The following ABCA13 variants were observed in gnomAD, a reference collection of about 807,000 sequenced individuals.
ABCA13 encodes the protein ATP binding cassette subfamily A member 13, also known as ATP-binding cassette sub-family A member 13.
In ABCA13, 476 loss-of-function variants were observed where a neutral mutation model predicts 478.7. The ratio of observed to expected loss-of-function variants is 0.99; its 90% CI spans 0.92 to 1.07. The LOEUF (loss-of-function observed/expected upper bound fraction) is 1.07. Among genes scored for constraint, ABCA13 ranks in the 50% least tolerant of loss-of-function variants. ABCA13 has a pLI of 0.00. For synonymous variants in ABCA13, 2,252 were observed against 2,158.9 expected (o/e 1.04, Z -1.20); for missense variants, 6,060 against 5,910.6 (o/e 1.03, Z -0.83).
chr7:48,597,626 T>C (rs1790437803), intron 58 of ABCA13, among the ~76,000 whole-genome samples: 1 of 152,192 alleles, frequency 6.6e-6, no homozygotes, highest in Non-Finnish European at 1.5e-5. Context: ...CTGTCTGTCT[T>C]TTTTCATTAT....
At position 48,339,511 on chromosome 7, in the gene ABCA13, G is replaced by C. The variant is rs148946893; in HGVS notation, c.10204+1056G>C. Among the ~76,000 whole-genome samples the C allele has an allele frequency of 2.6e-5, 4 of 152,330 alleles. No individual in the cohort carries two copies. In the East Asian group the frequency reaches 7.7e-4, roughly 29 times the overall value. Reference sequence around the variant, plus strand: ...TGAGTTTGCGTCTACCATGGTGCTAGTGTTAATGCAGATGTCTTAGAGTGT... The same window carrying C: ...TGAGTTTGCGTCTACCATGGTGCTACTGTTAATGCAGATGTCTTAGAGTGT... On this transcript the variant is annotated intron_variant, in intron 29 of 61. Transcript: ENST00000435803.
intron 38 of ABCA13, among the ~76,000 whole-genome samples, chr7:48,403,456 T>C (rs1235936176): frequency 3.9e-5 from 6 of 152,208 alleles, no homozygotes; most frequent in Non-Finnish European, 7.3e-5. Flanking sequence ...TGGGCAGATA[T>C]TGCTGGTCTG....
Position 48,192,912 on chromosome 7 carries a change from AC to A in ABCA13, c.70-45del. 3 of 1,348,348 alleles carry A rather than the reference AC, an allele frequency of 2.2e-6. 1 individual carries two copies. 83.5% of individuals were successfully genotyped at this position (1,348,348 alleles called of 1,614,324 possible). ...CTTCAAGAGATGAAAATATTGTAAT[AC>A]CTTACAATTTATTCAGGTGATTTTT... On this transcript the variant is annotated intron_variant, in intron 1 of 61. Transcript: ENST00000435803.
chr7:48,329,789 C>A (rs1584874852), intron 27 of ABCA13, among the ~76,000 whole-genome samples: 2 of 151,784 alleles, frequency 1.3e-5, no homozygotes, highest in African/African-American at 4.8e-5. Context: ...ACCCGTCTAT[C>A]CACCCATCCA....
intron 41 of ABCA13, among the ~76,000 whole-genome samples, chr7:48,422,112 G>A (rs73103203): frequency 1.3e-5 from 2 of 149,220 alleles, no homozygotes; most frequent in African/African-American, 2.5e-5. Context: ...AAGAAAGAGG[G>A]AGGAAGGAAG....
chr7:48,614,182 T>G (rs1792314624), intron 58 of ABCA13, among the ~76,000 whole-genome samples: 1 of 151,098 alleles, frequency 6.6e-6, no homozygotes, highest in Admixed American at 6.7e-5. Flanking sequence ...TTCCATTGAT[T>G]CAATATTTCA....
chr7:48,408,213 C>T (rs1353719317), intron 39 of ABCA13, among the ~76,000 whole-genome samples: 2 of 152,216 alleles, frequency 1.3e-5, no homozygotes, highest in African/African-American at 4.8e-5. Flanking sequence ...TATCCCTTAA[C>T]TAACATCTCC....
intron 58 of ABCA13, among the ~76,000 whole-genome samples, chr7:48,604,834 G>A (rs998530138): frequency 6.6e-6 from 1 of 152,168 alleles, no homozygotes. Context: ...GGGTGTTAAA[G>A]TCTACTACTA....
In ABCA13 at chr7:48,645,554, A is replaced by G. The variant is rs780574529; in HGVS notation, c.*42A>G. ...CATAAGGAATAAAACCTTGTCTTCC[A>G]TTACAATTAACAGTCAAGGATAAAA... is the stretch of plus-strand genomic sequence containing the variant. On this transcript the variant is annotated 3_prime_UTR_variant, in exon 62 of 62. Transcript: ENST00000435803. 4 of 1,483,444 alleles carry G rather than the reference A, an allele frequency of 2.7e-6. No homozygotes were observed. The highest frequency in any genetic ancestry group is 1.2e-5 in the South Asian group (1 of 81,436). 91.9% of individuals were successfully genotyped at this position (1,483,444 alleles called of 1,614,324 possible).
At chr7:48,331,950 T>A (rs890406086) in intron 27 of ABCA13, among the ~76,000 whole-genome samples, 1 of 152,230 alleles carries the variant, frequency 6.6e-6, no homozygotes, top group Admixed American at 6.5e-5. Flanking sequence ...TCTTCATTTC[T>A]ATAATTTTGT....
At chr7:48,401,150 T>A (rs987502709) in intron 38 of ABCA13, among the ~76,000 whole-genome samples, 6 of 152,226 alleles carry the variant, frequency 3.9e-5, no homozygotes, top group Non-Finnish European at 5.9e-5. Flanking sequence ...GTTCTAATAA[T>A]GAGAAGACCC....
intron 55 of ABCA13, among the ~76,000 whole-genome samples, chr7:48,553,975 C>A (rs1785551194): frequency 6.6e-6 from 1 of 151,828 alleles, no homozygotes; most frequent in African/African-American, 2.4e-5. Context: ...AGATTTAATT[C>A]TTTCATTCGT....
At chr7:48,561,418 T>C (rs1786445332) in intron 55 of ABCA13, among the ~76,000 whole-genome samples, 1 of 152,186 alleles carries the variant, frequency 6.6e-6, no homozygotes. Flanking sequence ...GTCTTTTCTC[T>C]TTTTGATAAC....
rs765410144 is a variant in ABCA13 at position 48,274,853 on chromosome 7, G to A, written c.5187G>A (p.Leu1729=). 1 of 1,613,848 alleles carries A rather than the reference G, an allele frequency of 6.2e-7. No individual in the cohort carries two copies. The change falls in exon 17 of 62, where the codon CTG becomes CTA. Residue 1729 remains leucine (L), a synonymous_variant. Coordinates refer to ENST00000435803, the MANE Select transcript of ABCA13 (RefSeq NM_152701.5). ...ATTCTTGGAATGTTAATCATCTGCT[G>A]CAGCTCTCACGCCTGTTTCCTAAAG... ...SSHSWNVNHL[L]QLSRLFPKDV...
chr7:48,173,073 A>C (rs550716482), intron 1 of ABCA13, among the ~76,000 whole-genome samples: 1 of 152,292 alleles, frequency 6.6e-6, no homozygotes, highest in East Asian at 1.9e-4. Context: ...AGGTAGCCAG[A>C]CTGCCTACTC....
chr7:48,229,521 T>C (rs1184445213), intron 6 of ABCA13, among the ~76,000 whole-genome samples: 1 of 152,246 alleles, frequency 6.6e-6, no homozygotes, highest in Non-Finnish European at 1.5e-5. Flanking sequence ...GAATCAAGGC[T>C]GAGTATAAAA....
intron 1 of ABCA13, among the ~76,000 whole-genome samples, chr7:48,182,451 G>A (rs1213706967): frequency 6.6e-6 from 1 of 152,126 alleles, no homozygotes; most frequent in Non-Finnish European, 1.5e-5. Context: ...GTACCAATAT[G>A]CATCTCCTTC....
At chr7:48,615,188 C>A in intron 58 of ABCA13, 97 bp from the exon 59 acceptor site, 1 of 686,074 alleles carries the variant, frequency 1.5e-6, no homozygotes, top group South Asian at 6.1e-5. Flanking sequence ...GTAATTTGCC[C>A]TAATGGTATC....
At chr7:48,393,952 T>G (rs1442229506) in intron 38 of ABCA13, among the ~76,000 whole-genome samples, 1 of 152,134 alleles carries the variant, frequency 6.6e-6, no homozygotes, top group East Asian at 1.9e-4. Context: ...CTTCTACCCT[T>G]TCCTCCAGCC....
Sources: gnomAD v4.1 joint callset for allele counts (sites outside exome capture counted in the v4.1 genomes callset) on GRCh38, gnomAD v4.1.1 for gene constraint, MANE v1.5 for transcripts, NCBI Gene and HGNC (gene_info 2026-07-23, HGNC 2026-07-21) for gene names.